The following ABL1 variants were observed in gnomAD, a reference collection of about 807,000 sequenced individuals.
The protein encoded by ABL1 is ABL proto-oncogene 1, non-receptor tyrosine kinase, also known as tyrosine-protein kinase ABL1.
In ABL1, 11 loss-of-function variants were observed where a neutral mutation model predicts 94.7. That is an observed-to-expected ratio of 0.12 (90% CI 0.07 to 0.19). ABL1 has a LOEUF of 0.19. Among genes scored for constraint, ABL1 ranks in the 10% least tolerant of loss-of-function variants. The pLI is 1.00. For missense variants in ABL1, 1,082 were observed against 1,489.4 expected (o/e 0.73, Z 4.50); for synonymous variants, 656 against 622.4 (o/e 1.05, Z -0.80).
At chr9:130,798,744 G>T (rs1830014022) in intron 1 of ABL1, among the ~76,000 whole-genome samples, 1 of 151,992 alleles carries the variant, frequency 6.6e-6, no homozygotes, top group South Asian at 2.1e-4. Flanking sequence ...TGAGGCGGGT[G>T]GATCACGAGG....
rs1164841846 is a variant in ABL1, at chr9:130,854,044, T to C, written c.80-20T>C. ...TTTCTCTTCCTTTTTCTTTTTTCTG[T>C]TCCCCCCTTTCTCTTCCAGAAGCCC... On this transcript the variant is annotated intron_variant, in intron 1 of 10. Coordinates refer to ENST00000318560, the MANE Select transcript of ABL1 (RefSeq NM_005157.6). 6.4e-7 allele frequency: 1 copy of C among 1,569,676 alleles called. No individual in the cohort carries two copies. The highest frequency in any genetic ancestry group is 2.3e-5 in the East Asian group (1 of 44,408).
chr9:130,834,716 C>T (rs924514314), upstream of ABL1, among the ~76,000 whole-genome samples: 1 of 152,214 alleles, frequency 6.6e-6, no homozygotes, highest in African/African-American at 2.4e-5. Flanking sequence ...TGTGCGGCCT[C>T]ACCGGGGTGT....
At chr9:130,743,955 C>T (rs552275914) in intron 1 of ABL1, among the ~76,000 whole-genome samples, 18 of 152,136 alleles carry the variant, frequency 1.2e-4, no homozygotes, top group African/African-American at 3.9e-4. Context: ...GGATTGGAAG[C>T]GGGTGTGTTT....
intron 10 of ABL1, among the ~76,000 whole-genome samples, chr9:130,881,684 AG>A (rs1831456272): frequency 6.6e-6 from 1 of 152,016 alleles, no homozygotes; most frequent in Non-Finnish European, 1.5e-5. Context: ...CCCATATTGG[AG>A]GTGGGGGGTA....
intron 1 of ABL1, among the ~76,000 whole-genome samples, chr9:130,723,741 A>G (rs1178586225): frequency 1.3e-5 from 2 of 152,026 alleles, no homozygotes; most frequent in East Asian, 1.9e-4. Context: ...GTATTTCCTA[A>G]TAGTTTTATG....
intron 1 of ABL1, among the ~76,000 whole-genome samples, chr9:130,761,092 C>T (rs7850345): frequency 0.22 from 33,407 of 151,852 alleles, 3,967 homozygotes; most frequent in Middle Eastern, 0.39. Flanking sequence ...GGACTACAGG[C>T]GCCCACCACC....
rs373237336 is a variant in ABL1, at chr9:130,872,125, G to T, written c.823-4G>T. ...ATTTCACCTTCGTTTTTTTCCTTCT[G>T]CAGGAGGACACCATGGAGGTGGAAG... On this transcript the variant is annotated splice_region_variant and splice_polypyrimidine_tract_variant and intron_variant, in intron 4 of 10. Coordinates refer to ENST00000318560, the MANE Select transcript of ABL1 (RefSeq NM_005157.6). This position sits in a 1 kb window ranked among gnomAD's most constrained non-coding sequence, Gnocchi z 5.0. The T allele has an allele frequency of 3.7e-6, 6 of 1,612,508 alleles. No homozygotes were observed. In the African/African-American group the frequency reaches 8.0e-5, roughly 22 times the overall value.
At chr9:130,767,742 AGTGCACGT>A (rs1201510855) in intron 1 of ABL1, among the ~76,000 whole-genome samples, 1 of 152,252 alleles carries the variant, frequency 6.6e-6, no homozygotes, top group African/African-American at 2.4e-5. Flanking sequence ...TCTGAAGTAA[AGTGCACGT>A]GTGCATGTGT....
At position 130,880,151 on chromosome 9, in the gene ABL1, T is replaced by G; in HGVS notation, c.1507T>G (p.Ser503Ala). 1 of 1,614,064 alleles carries G rather than the reference T, an allele frequency of 6.2e-7. No individual in the cohort carries two copies. Residue 503 changes from serine to alanine, a missense_variant, in exon 9 of 11, where the codon TCA (serine) becomes GCA (alanine). Physicochemically the swap from Ser to Ala is moderately conservative, Grantham distance 99. Around this residue, in one of 7 missense-constraint regions of ABL1, gnomAD observed 76 missense variants for 177.1 expected, o/e 0.43. Transcript: ENST00000318560. The surrounding 1 kb of genome is among the most constrained non-coding windows in gnomAD (Gnocchi z 4.4). ...FETMFQESSI[S>A]DEVEKELGKQ... ...AACAATGTTCCAGGAATCCAGTATC[T>G]CAGACGGTAAAGTACCCATCCCGGG...
intron 1 of ABL1, among the ~76,000 whole-genome samples, chr9:130,784,039 C>A (rs967005235): frequency 6.6e-6 from 1 of 152,004 alleles, no homozygotes; most frequent in Non-Finnish European, 1.5e-5. Context: ...ACAGTAAGTC[C>A]CATCTTGCTA....
At chr9:130,847,728 G>A (rs577094712) in intron 1 of ABL1, among the ~76,000 whole-genome samples, 1 of 152,324 alleles carries the variant, frequency 6.6e-6, no homozygotes, top group East Asian at 1.9e-4. Flanking sequence ...GCAAGAACTG[G>A]AGAGGAAAGT....
rs562088062 is a variant in ABL1, at chr9:130,878,724, CT to C, written c.1423+160del. Among the ~76,000 whole-genome samples, 963 of 152,264 alleles carry C rather than the reference CT, an allele frequency of 6.3e-3. 6 individuals are homozygous for C. The highest frequency in any genetic ancestry group is 0.011 in the Non-Finnish European group (778 of 68,028). On this transcript the variant is annotated intron_variant, in intron 8 of 10. Transcript: ENST00000318560. ...ATGTAGCCATTTGCTACCTATTGACCTTTATTTACAGATAAATAGTATGTGC... is the reference window on the plus strand; with the variant it reads ...ATGTAGCCATTTGCTACCTATTGACCTTATTTACAGATAAATAGTATGTGC...
chr9:130,818,581 G>GT (rs1386707245), intron 1 of ABL1, among the ~76,000 whole-genome samples: 18 of 152,068 alleles, frequency 1.2e-4, no homozygotes, highest in African/African-American at 3.1e-4. Flanking sequence ...AGATTCTTCT[G>GT]TTTTTTTTCT....
intron 1 of ABL1, among the ~76,000 whole-genome samples, chr9:130,754,067 G>A (rs146500623): frequency 2.2e-3 from 334 of 151,224 alleles, no homozygotes; most frequent in Non-Finnish European, 3.7e-3. Context: ...ATTAGCTGGG[G>A]GTAGTGGCGT....
In ABL1 at chr9:130,714,538, T is replaced by TG. The variant is rs370550772; in HGVS notation, c.136+84dup. On this transcript the variant is annotated intron_variant, in intron 1 of 10. Coordinates refer to the ABL1 transcript ENST00000372348. ...TCAAGGAACTTTGAACAACAGTACT[T>TG]GCGACAGTTCCTTCCAATTCCACTT... The TG allele has an allele frequency of 8.5e-5, 131 of 1,545,092 alleles. No homozygotes were observed. The African/African-American group carries it at 1.6e-3, about 19-fold the overall frequency.
rs139994120 is a variant in ABL1 at position 130,793,175 on chromosome 9, C to T, written c.137-60889C>T. ...TCCTGACCTCAGGTGATCTGCCCGC[C>T]TCAGTCTCCCAAAGTGCTGGGATTA... On this transcript the variant is annotated intron_variant, in intron 1 of 10. Transcript: ENST00000372348. Among the ~76,000 whole-genome samples the T allele has an allele frequency of 6.6e-5, 10 of 152,342 alleles. No individual in the cohort carries two copies. In the East Asian group the frequency reaches 1.9e-3, roughly 29 times the overall value.
At chr9:130,809,381 T>TGAGAGAGAGAGAGA (rs370101656) in intron 1 of ABL1, among the ~76,000 whole-genome samples, 5 of 132,680 alleles carry the variant, frequency 3.8e-5, no homozygotes, top group South Asian at 2.7e-4. Context: ...TGAAGGTTCT[T>TGAGAGAGAGAGAGA]GAGAGAGAGA....
rs138576903 is a variant in ABL1 at position 130,758,013 on chromosome 9, C to CT, written c.136+43560dup. Among the ~76,000 whole-genome samples, 1,191 of 152,226 alleles carry CT rather than the reference C, an allele frequency of 7.8e-3. 10 individuals carry two copies. The highest frequency in any genetic ancestry group is 0.014 in the Non-Finnish European group (956 of 68,024). On this transcript the variant is annotated intron_variant, in intron 1 of 10. Transcript: ENST00000372348. The stretch of plus-strand genomic sequence containing the variant: ...CAGTTCTCTTAGCTATAAAATGGGG[C>CT]TTATAATAATCCCTTCCTTGAAGAG...
chr9:130,770,817 C>G (rs575182227), intron 1 of ABL1, among the ~76,000 whole-genome samples: 1 of 152,160 alleles, frequency 6.6e-6, no homozygotes, highest in Non-Finnish European at 1.5e-5. Flanking sequence ...GGCAGGAGAC[C>G]AGGGTTGTAG....
Sources: allele counts gnomAD v4.1 joint callset (sites outside exome capture counted in the v4.1 genomes callset), GRCh38; gene constraint gnomAD v4.1.1; regional missense constraint gnomAD v4.1.1; non-coding constraint Gnocchi (gnomAD v3.1); transcripts MANE v1.5; gene names NCBI Gene and HGNC (gene_info 2026-07-23, HGNC 2026-07-21).